Variants in STK36 observed in about 807,000 individuals in gnomAD.
STK36 encodes the protein serine/threonine-protein kinase 36.
A neutral mutation model predicts 142.2 loss-of-function variants in STK36; 116 were observed. That is an observed-to-expected ratio of 0.82 (90% CI 0.70 to 0.95). STK36 has a LOEUF of 0.95. Among genes scored for constraint, STK36 ranks in the 40% least tolerant of loss-of-function variants. The pLI, the probability that STK36 is intolerant of heterozygous loss-of-function variation, is 0.00. For synonymous variants in STK36, 619 were observed against 641.7 expected, an observed-to-expected ratio of 0.96 and a Z score of 0.53; for missense variants, 1,422 against 1,617.2, an observed-to-expected ratio of 0.88 and a Z score of 2.07.
chr2:218,678,703 A>G lies in STK36; in HGVS notation c.685-465A>G, dbSNP rs561193203. On this transcript the variant is annotated intron_variant, in intron 6 of 26. Coordinates refer to ENST00000295709, the MANE Select transcript of STK36 (RefSeq NM_015690.5). ...TCTGTTTTTGAGTACTCCCAAACAC[A>G]CCTTCATGCAATTACTTGTGCGTGT... Among the ~76,000 whole-genome samples the G allele has an allele frequency of 2.6e-5, 4 of 152,298 alleles. No homozygotes were observed. In the South Asian group the frequency reaches 8.3e-4, roughly 32 times the overall value.
intron 12 of STK36, among the ~76,000 whole-genome samples, chr2:218,689,325 C>A (rs369641424): frequency 6.6e-6 from 1 of 152,178 alleles, no homozygotes; most frequent in Admixed American, 6.5e-5. Flanking sequence ...CCTGATCTTA[C>A]AGAGCAGAGT....
chr2:218,691,138 C>T (rs1179243969), intron 14 of STK36, among the ~76,000 whole-genome samples: 3 of 151,850 alleles, frequency 2.0e-5, no homozygotes, highest in Non-Finnish European at 2.9e-5. Context: ...CAGTTCTTTT[C>T]CCTAGATCCT....
Position 218,697,875 on chromosome 2 carries a change from C to G in STK36, c.2931C>G (p.Leu977=), listed in dbSNP as rs1159870429. Reference sequence around the variant, plus strand: ...TTAGGCCTCATGGGTCTGAGTTTCTCCCTGTCGTGGTGCTCTCTGTCTGCC... The same window carrying G: ...TTAGGCCTCATGGGTCTGAGTTTCTGCCTGTCGTGGTGCTCTCTGTCTGCC... ...LRQAPHGSEF[L]PVVVLSVCQL... Residue 977 remains leucine (L), a synonymous_variant, in exon 25 of 27, where the codon CTC becomes CTG. Transcript: ENST00000295709. The G allele has an allele frequency of 1.2e-6, 2 of 1,614,064 alleles. No homozygotes were observed. The highest frequency in any genetic ancestry group is 1.7e-6 in the Non-Finnish European group (2 of 1,180,044).
intron 10 of STK36, 44 bp from the exon 11 acceptor site, chr2:218,685,028 TCTACTACCTTAGA>T (rs1940714857): frequency 6.2e-7 from 1 of 1,602,654 alleles, no homozygotes; most frequent in Admixed American, 1.7e-5. Flanking sequence ...CTGGTTGGGA[TCTACTACCTTAGA>T]CTTACACACT....
chr2:218,679,246 G>T lies in STK36; in HGVS notation c.763G>T (p.Ala255Ser), dbSNP rs780992499. The T allele has an allele frequency of 6.2e-7, 1 of 1,613,984 alleles. No homozygotes were observed. Among genetic ancestry groups the T allele is most frequent in the African/African-American group, 1.3e-5 (1 of 74,892 alleles). Residue 255 changes from alanine (A) to serine (S), a missense_variant, in exon 7 of 27, where the codon GCT becomes TCT. Transcript: ENST00000295709. ...AGACCTCTTATATCACCCCTTTATT[G>T]CTGGTCATGTCACCAGTGAGTCATC... ...WPDLLYHPFI[A>S]GHVTIITEPA...
chr2:218,695,763 C>T (rs1941209885), intron 21 of STK36, among the ~76,000 whole-genome samples: 1 of 151,588 alleles, frequency 6.6e-6, no homozygotes, highest in South Asian at 2.1e-4. Flanking sequence ...GTCTCGAACT[C>T]CTGACCTCAA....
At chr2:218,700,113 G>T (rs2106368678) in intron 26 of STK36, among the ~76,000 whole-genome samples, 1 of 152,088 alleles carries the variant, frequency 6.6e-6, no homozygotes, top group East Asian at 1.9e-4. Context: ...GTAGAGACAG[G>T]TTTCTCCATG....
intron 3 of STK36, 51 bp from the exon 4 acceptor site, chr2:218,673,828 C>G (rs986998358): frequency 6.2e-7 from 1 of 1,613,920 alleles, no homozygotes; most frequent in Non-Finnish European, 8.5e-7. Flanking sequence ...ATTTCCCAAC[C>G]TCAGAATGCA....
chr2:218,693,286 T>A lies in STK36; in HGVS notation c.2090T>A (p.Leu697His), dbSNP rs1000314415. The A allele has an allele frequency of 6.2e-7, 1 of 1,614,084 alleles. No individual in the cohort carries two copies. Among genetic ancestry groups the A allele is most frequent in the African/African-American group, 1.3e-5 (1 of 74,918 alleles). The stretch of plus-strand genomic sequence containing the variant: ...CAGCTAACTGAAGACAGCAGCCAGC[T>A]CAGGCCATCCCTCATCTCTGGCCTG... ...ANQLTEDSSQ[L>H]RPSLISGLQH... is the part of the protein sequence containing the mutation. Residue 697 changes from leucine to histidine, a missense_variant, in exon 17 of 27, where the codon CTC becomes CAC. Physicochemically the swap from Leu to His is moderately conservative, Grantham distance 99 (BLOSUM62 -3). This residue lies in a region of STK36 where 962 missense variants were observed against 1,167.5 expected (regional missense o/e 0.82). Coordinates refer to ENST00000295709, the MANE Select transcript of STK36 (RefSeq NM_015690.5).
At chr2:218,679,779 G>C (rs1277022412) in intron 8 of STK36, 50 bp downstream of exon 8, 18 of 1,611,544 alleles carry the variant, frequency 1.1e-5, no homozygotes, top group Non-Finnish European at 1.5e-5. Flanking sequence ...AGTGACTGGG[G>C]AGTTAGAGGA....
rs751295133 is a variant in STK36, at chr2:218,685,234, G to T, written c.1380+6G>T. 6.2e-7 allele frequency: 1 copy of T among 1,614,158 alleles called. No homozygotes were observed. The highest frequency in any genetic ancestry group is 1.1e-5 in the South Asian group (1 of 91,076). ...TGCATGAAGCTGGAGGGCAGGTAATGGGGAGAAAGACACTGTGGATGGGAT... is the reference window on the plus strand; with the variant it reads ...TGCATGAAGCTGGAGGGCAGGTAATTGGGAGAAAGACACTGTGGATGGGAT... On this transcript the variant is annotated splice_donor_region_variant and intron_variant, in intron 11 of 26. Transcript: ENST00000295709.
intron 2 of STK36, 42 bp downstream of exon 2, chr2:218,672,955 C>T (rs1410317627): frequency 6.4e-7 from 1 of 1,557,260 alleles, no homozygotes; most frequent in South Asian, 1.1e-5. Flanking sequence ...GGATTTGGTA[C>T]CCCCAACTCC....
intron 7 of STK36, 126 bp from the exon 8 acceptor site, chr2:218,679,434 C>A: frequency 7.4e-7 from 1 of 1,345,066 alleles, no homozygotes; most frequent in Non-Finnish European, 1.0e-6. Context: ...CCCACTCTCT[C>A]TCTGTCACTT....
At chr2:218,674,898 C>A (rs1278345686) in intron 4 of STK36, among the ~76,000 whole-genome samples, 1 of 152,192 alleles carries the variant, frequency 6.6e-6, no homozygotes, top group African/African-American at 2.4e-5. Context: ...CCACGCCCGA[C>A]CACCATATTT....
Position 218,672,914 on chromosome 2 carries a change from G to T in STK36, c.84+1G>T, listed in dbSNP as rs1245199509. On this transcript the variant is annotated splice_donor_variant, in intron 2 of 26. Transcript: ENST00000295709. LOFTEE classifies it high-confidence loss of function. The stretch of plus-strand genomic sequence containing the variant: ...GGGTCGAAGAAAATACAGTGCTCAG[G>T]TGTTGCACAAAGAGGGATACCTTTT... 6.8e-6 allele frequency: 11 copies of T among 1,613,932 alleles called. No homozygotes were observed. Among genetic ancestry groups the T allele is most frequent in the Non-Finnish European group, 8.5e-6 (10 of 1,179,934 alleles).
Position 218,675,479 on chromosome 2 carries a change from G to A in STK36, c.434+6G>A, listed in dbSNP as rs1447009726. 6.5e-7 allele frequency: 1 copy of A among 1,535,632 alleles called. No individual in the cohort carries two copies. Among genetic ancestry groups the A allele is most frequent in the Non-Finnish European group, 8.9e-7 (1 of 1,126,582 alleles). On this transcript the variant is annotated splice_donor_region_variant and intron_variant, in intron 5 of 26. Coordinates refer to ENST00000295709, the MANE Select transcript of STK36 (RefSeq NM_015690.5). ...ATCAAGCTCTGTGACTTTGGGTAAA[G>A]ATTCTGAGCATCCATCTAAGCTTCC...
In STK36 at chr2:218,676,014, C is replaced by T. The variant is rs1165970406; in HGVS notation, c.435-15C>T. 6.2e-7 allele frequency: 1 copy of T among 1,612,734 alleles called. No homozygotes were observed. Among genetic ancestry groups the T allele is most frequent in the East Asian group, 2.2e-5 (1 of 44,874 alleles). ...ATCTTTTCCCTTTCCATTTCCATCC[C>T]ATTATCTTCTGCAGATTTGCCCGGG... On this transcript the variant is annotated splice_polypyrimidine_tract_variant and intron_variant, in intron 5 of 26. Coordinates refer to ENST00000295709, the MANE Select transcript of STK36 (RefSeq NM_015690.5).
rs375869407 is a variant in STK36, at chr2:218,693,762, C to T, written c.2188C>T (p.Arg730Cys). Reference sequence around the variant, plus strand: ...CTGCCTTGTCAGTGAGGGCCTGTGCCGTCTTCTGGGGCAGGAGCCCCTGGC... The same window carrying T: ...CTGCCTTGTCAGTGAGGGCCTGTGCTGTCTTCTGGGGCAGGAGCCCCTGGC... The part of the protein sequence containing the change: ...SCCLVSEGLC[R>C]LLGQEPLALE... Residue 730 changes from arginine to cysteine, a missense_variant, in exon 18 of 27, where the codon CGT becomes TGT. Transcript: ENST00000295709. 15 of 1,614,120 alleles carry T rather than the reference C, an allele frequency of 9.3e-6. No homozygotes were observed. The African/African-American group carries it at 1.1e-4, about 11-fold the overall frequency.
chr2:218,698,464 G>T, intron 25 of STK36, 138 bp from the exon 26 acceptor site: 1 of 1,029,022 alleles, frequency 9.7e-7, no homozygotes, highest in Non-Finnish European at 1.4e-6. Flanking sequence ...CTCATGTGGA[G>T]TGCTGTGGGG....
Sources: gnomAD v4.1 joint callset for allele counts (sites outside exome capture counted in the v4.1 genomes callset) on GRCh38, gnomAD v4.1.1 for gene constraint, gnomAD v4.1.1 regional missense constraint, MANE v1.5 for transcripts, NCBI Gene and HGNC (gene_info 2026-07-23, HGNC 2026-07-21) for gene names.